MPHOSPH8: variants seen among roughly 807,000 people sequenced by gnomAD.
MPHOSPH8 encodes M-phase phosphoprotein 8.
A neutral mutation model predicts 87.3 loss-of-function variants in MPHOSPH8; 45 were observed. That is an observed-to-expected ratio of 0.52 (90% CI 0.41 to 0.66). The LOEUF is 0.66. Ranked by LOEUF, MPHOSPH8 falls within the 30% of genes least tolerant of loss-of-function variation. The pLI, the probability that MPHOSPH8 is intolerant of heterozygous loss-of-function variation, is 0.00. For synonymous variants in MPHOSPH8, 366 were observed against 376.9 expected, an observed-to-expected ratio of 0.97 and a Z score of 0.33; for missense variants, 883 against 1,020.2, an observed-to-expected ratio of 0.87 and a Z score of 1.83.
chr13:19,669,913 G>T (rs1593493903), intron 11 of MPHOSPH8, among the ~76,000 whole-genome samples: 1 of 152,238 alleles, frequency 6.6e-6, no homozygotes, highest in South Asian at 2.1e-4. Flanking sequence ...CCCACCACAG[G>T]AATGTCCCTG....
chr13:19,646,351 A>C, intron 2 of MPHOSPH8, 92 bp from the exon 3 acceptor site: 1 of 1,132,314 alleles, frequency 8.8e-7, no homozygotes, highest in Non-Finnish European at 1.2e-6. Flanking sequence ...TTGGAACAAA[A>C]AATATTCTTA....
chr13:19,670,221 A>G lies in MPHOSPH8; in HGVS notation c.2330-15A>G. On this transcript the variant is annotated splice_polypyrimidine_tract_variant and intron_variant, in intron 11 of 13. Transcript: ENST00000361479. The stretch of plus-strand genomic sequence containing the variant: ...GTTGCCTTTGAAGTAATTCACACAC[A>G]TCTCCCATTTTCAGGCTCTGGCATC... 1 of 1,613,940 alleles carries G rather than the reference A, an allele frequency of 6.2e-7. No homozygotes were observed. Among genetic ancestry groups the G allele is most frequent in the Non-Finnish European group, 8.5e-7 (1 of 1,179,882 alleles).
chr13:19,643,857 G>A (rs1412577326), intron 2 of MPHOSPH8, among the ~76,000 whole-genome samples: 1 of 151,802 alleles, frequency 6.6e-6, no homozygotes, highest in East Asian at 1.9e-4. Context: ...CTGTAACTCG[G>A]CCTGTCACCA....
rs1876159798 is a variant in MPHOSPH8, at chr13:19,672,037, T to A, written c.*162T>A. The A allele has an allele frequency of 7.4e-6, 5 of 674,948 alleles. No homozygotes were observed. Among genetic ancestry groups the A allele is most frequent in the African/African-American group, 7.2e-5 (4 of 55,662 alleles). The allele number at this position is 674,948 out of a possible 1,614,324, so 41.8% of individuals were successfully genotyped here. ...TAGTCTGTAAGATGCGACATAGCTG[T>A]GTCTGTGCCAGTATGCCGGAATCTC... On this transcript the variant is annotated 3_prime_UTR_variant, in exon 14 of 14. Transcript: ENST00000361479.
chr13:19,668,796 TCA>T (rs1875961603), intron 11 of MPHOSPH8, among the ~76,000 whole-genome samples: 1 of 149,338 alleles, frequency 6.7e-6, no homozygotes. Context: ...AAATTCAGCG[TCA>T]AGATTCTAAG....
rs191063226 is a variant in MPHOSPH8 at position 19,653,898 on chromosome 13, T to C, written c.1576+3638T>C. Among the ~76,000 whole-genome samples the C allele has an allele frequency of 3.2e-3, 484 of 152,228 alleles. 4 individuals carry two copies. The highest frequency in any genetic ancestry group is 4.2e-3 in the Non-Finnish European group (288 of 68,014). On this transcript the variant is annotated intron_variant, in intron 5 of 13. Transcript: ENST00000361479. ...GAATGAACAAAGCCTCCAAGAAATA[T>C]GGAACTATGTGCAAAGACCAAATCT...
chr13:19,652,949 A>C (rs1240217216), intron 5 of MPHOSPH8, among the ~76,000 whole-genome samples: 4 of 151,616 alleles, frequency 2.6e-5, no homozygotes, highest in Admixed American at 1.3e-4. Flanking sequence ...TGTAGATAAA[A>C]CCCCCATCTC....
At chr13:19,667,018 C>T (rs548484647) in intron 10 of MPHOSPH8, among the ~76,000 whole-genome samples, 50 of 152,000 alleles carry the variant, frequency 3.3e-4, no homozygotes, top group African/African-American at 9.4e-4. Context: ...AAAAATTAGC[C>T]GGGCGTGGTG....
chr13:19,648,608 A>G (rs930835712), intron 4 of MPHOSPH8, 87 bp downstream of exon 4: 1 of 560,884 alleles, frequency 1.8e-6, no homozygotes, highest in Non-Finnish European at 2.7e-6. Flanking sequence ...ATAAAAATTT[A>G]TATAATTTTT....
At chr13:19,667,503 T>A (rs1875883632) in intron 10 of MPHOSPH8, among the ~76,000 whole-genome samples, 1 of 152,150 alleles carries the variant, frequency 6.6e-6, no homozygotes, top group Non-Finnish European at 1.5e-5. Flanking sequence ...TTAAAAAGCC[T>A]GTGTTTTCCA....
rs1874679816 is a variant in MPHOSPH8, at chr13:19,648,424, CAAAG to C, written c.1225_1228del (p.Glu409ProfsTer29). ...TTTGGATATCATGTCATTTTCAGGA[CAAAG>C]AAACCAAAAGAAATGAATCCAAAGA... is the stretch of plus-strand genomic sequence containing the variant. On this transcript the variant is annotated frameshift_variant, in exon 4 of 14. Transcript: ENST00000361479. LOFTEE classifies it high-confidence loss of function. 6.4e-7 allele frequency: 1 copy of C among 1,567,414 alleles called. No individual in the cohort carries two copies.
chr13:19,658,911 A>C, intron 5 of MPHOSPH8, 84 bp from the exon 6 acceptor site: 1 of 1,531,218 alleles, frequency 6.5e-7, no homozygotes, highest in South Asian at 1.2e-5. Flanking sequence ...GCTTTGGTTA[A>C]GACACCACAA....
rs868088498 is a variant in MPHOSPH8, at chr13:19,661,734, G to A, written c.1828G>A (p.Ala610Thr). The change falls in exon 8 of 14, where the codon GCC (alanine) becomes ACC (threonine). Residue 610 changes from alanine (A) to threonine (T), a missense_variant. Ala to Thr is a moderately conservative substitution (Grantham distance 58). This residue lies in a region of MPHOSPH8 where 741 missense variants were observed against 841.5 expected (regional missense o/e 0.88). Transcript: ENST00000361479. ...AATGACACTGGTGATGCTTGCCGCC[G>A]CCGGAGGGCAGGACGACCTCCTGCG... ...SGMTLVMLAA[A>T]GGQDDLLRLL... 9.9e-6 allele frequency: 16 copies of A among 1,610,242 alleles called. No individual in the cohort carries two copies. The African/African-American group carries it at 1.7e-4, about 17-fold the overall frequency.
intron 5 of MPHOSPH8, among the ~76,000 whole-genome samples, chr13:19,655,367 C>T (rs1212298689): frequency 6.6e-6 from 1 of 152,082 alleles, no homozygotes; most frequent in Non-Finnish European, 1.5e-5. Context: ...ACTTGGATGG[C>T]TGAGACAGGA....
In MPHOSPH8 at chr13:19,671,960, C is replaced by A; in HGVS notation, c.*85C>A. 10 of 1,404,526 alleles carry A rather than the reference C, an allele frequency of 7.1e-6. No individual in the cohort carries two copies. Among genetic ancestry groups the A allele is most frequent in the Non-Finnish European group, 1.0e-5 (10 of 994,562 alleles). 87.0% of individuals were successfully genotyped at this position (1,404,526 alleles called of 1,614,324 possible). On this transcript the variant is annotated 3_prime_UTR_variant, in exon 14 of 14. Coordinates refer to ENST00000361479, the MANE Select transcript of MPHOSPH8 (RefSeq NM_017520.4). ...GCAGTTTGGAATTCTTCTAGCACATCTATGTAAAGTTTTGTCTGTAAACCT... is the reference window on the plus strand; with the variant it reads ...GCAGTTTGGAATTCTTCTAGCACATATATGTAAAGTTTTGTCTGTAAACCT...
chr13:19,672,048 G>C lies in MPHOSPH8; in HGVS notation c.*173G>C, dbSNP rs564311754. On this transcript the variant is annotated 3_prime_UTR_variant, in exon 14 of 14. Coordinates refer to ENST00000361479, the MANE Select transcript of MPHOSPH8 (RefSeq NM_017520.4). ...ATGCGACATAGCTGTGTCTGTGCCA[G>C]TATGCCGGAATCTCAGTGCAGTGTC... 3.1e-6 allele frequency: 2 copies of C among 640,748 alleles called. No homozygotes were observed. Among genetic ancestry groups the C allele is most frequent in the African/African-American group, 3.6e-5 (2 of 55,070 alleles). 39.7% of individuals were successfully genotyped at this position (640,748 alleles called of 1,614,324 possible). A position where few individuals can be genotyped will look rare whatever the true frequency, so the allele number is the denominator to read the frequency against.
At position 19,672,754 on chromosome 13, in the gene MPHOSPH8, A is replaced by AT. The variant is rs1455140053; in HGVS notation, c.*880dup. On this transcript the variant is annotated 3_prime_UTR_variant, in exon 14 of 14. Transcript: ENST00000361479. Reference sequence around the variant, plus strand: ...TCAAAGGGTAACAAGAGAATCTAAGATGTAGTAAGAATGTAAACCAGTACA... The same window carrying AT: ...TCAAAGGGTAACAAGAGAATCTAAGATTGTAGTAAGAATGTAAACCAGTACA... 1 of 173,944 alleles carries AT rather than the reference A, an allele frequency of 5.7e-6. No individual in the cohort carries two copies. Among genetic ancestry groups the AT allele is most frequent in the African/African-American group, 2.4e-5 (1 of 42,248 alleles). 10.8% of individuals were successfully genotyped at this position (173,944 alleles called of 1,614,324 possible). A position where few individuals can be genotyped will look rare whatever the true frequency, so the allele number is the denominator to read the frequency against.
At chr13:19,640,184 C>G (rs1391247908) in intron 1 of MPHOSPH8, among the ~76,000 whole-genome samples, 2 of 152,054 alleles carry the variant, frequency 1.3e-5, no homozygotes, top group Non-Finnish European at 2.9e-5. Flanking sequence ...GCTGTGTGAT[C>G]TTTGACTAGT....
intron 8 of MPHOSPH8, among the ~76,000 whole-genome samples, 181 bp downstream of exon 8, chr13:19,662,019 G>A (rs1484252645): frequency 1.3e-5 from 2 of 151,242 alleles, no homozygotes; most frequent in African/African-American, 4.9e-5. Flanking sequence ...TCAGCTCACT[G>A]CAAGCTCCAC....
Sources: gnomAD v4.1 joint callset for allele counts (sites outside exome capture counted in the v4.1 genomes callset) on GRCh38, gnomAD v4.1.1 for gene constraint, gnomAD v4.1.1 regional missense constraint, MANE v1.5 for transcripts, NCBI Gene and HGNC (gene_info 2026-07-23, HGNC 2026-07-21) for gene names.